The following NRG3 variants were observed in gnomAD, a reference collection of about 807,000 sequenced individuals.
NRG3 encodes the protein neuregulin 3.
A neutral mutation model predicts 66.9 loss-of-function variants in NRG3; 31 were observed. The ratio of observed to expected loss-of-function variants is 0.46; its 90% confidence interval spans 0.35 to 0.63. The LOEUF (loss-of-function observed/expected upper bound fraction) is 0.63. Ranked by LOEUF, NRG3 falls within the 20% of genes least tolerant of loss-of-function variation. The pLI is 0.00. For synonymous variants in NRG3, 393 were observed against 359.4 expected (o/e 1.09, Z -1.06); for missense variants, 910 against 878.9 (o/e 1.04, Z -0.45).
At chr10:82,335,245 A>G (rs546117335) in intron 1 of NRG3, among the ~76,000 whole-genome samples, 2 of 152,336 alleles carry the variant, frequency 1.3e-5, no homozygotes, top group Non-Finnish European at 2.9e-5. Flanking sequence ...TATCTGTGAC[A>G]AGGGAGCCTA....
rs182769263 is a variant in NRG3 at position 82,944,906 on chromosome 10, G to C, written c.1055-6563G>C. Among the ~76,000 whole-genome samples, 4 of 152,302 alleles carry C rather than the reference G, an allele frequency of 2.6e-5. No homozygotes were observed. In the East Asian group the frequency reaches 7.7e-4, roughly 29 times the overall value. ...AAGAAATAAAGGAAAATAGGTCCTA[G>C]AATGTGGGCTCTCTACATGTAGGTT... On this transcript the variant is annotated intron_variant, in intron 4 of 8. Coordinates refer to ENST00000372141, the MANE Select transcript of NRG3 (RefSeq NM_001010848.4).
intron 3 of NRG3, among the ~76,000 whole-genome samples, chr10:82,840,816 TAG>T (rs2063020201): frequency 6.6e-6 from 1 of 152,142 alleles, no homozygotes; most frequent in African/African-American, 2.4e-5. Flanking sequence ...AGCCTGGAAT[TAG>T]AGTTTATCAC....
chr10:82,074,143 G>A (rs2064963200), intron 1 of NRG3, among the ~76,000 whole-genome samples: 1 of 151,980 alleles, frequency 6.6e-6, no homozygotes, highest in Admixed American at 6.6e-5. Context: ...GGTGCTCAGA[G>A]ATGGCCAATG....
At chr10:82,179,635 TA>T (rs2073279572) in intron 1 of NRG3, among the ~76,000 whole-genome samples, 1 of 152,028 alleles carries the variant, frequency 6.6e-6, no homozygotes, top group Non-Finnish European at 1.5e-5. Context: ...CATATTTTTT[TA>T]TTACTGTAGC....
At chr10:82,170,265 G>A (rs906286656) in intron 1 of NRG3, among the ~76,000 whole-genome samples, 4 of 151,958 alleles carry the variant, frequency 2.6e-5, no homozygotes, top group Non-Finnish European at 5.9e-5. Context: ...GCATGGGTGA[G>A]AAAAGGTCTA....
chr10:82,241,526 C>G (rs1400762059), intron 1 of NRG3, among the ~76,000 whole-genome samples: 1 of 151,990 alleles, frequency 6.6e-6, no homozygotes, highest in African/African-American at 2.4e-5. Flanking sequence ...AGGAAGACAC[C>G]TTGTTTGTTT....
At chr10:82,243,777 T>C (rs987840300) in intron 1 of NRG3, among the ~76,000 whole-genome samples, 5 of 152,210 alleles carry the variant, frequency 3.3e-5, no homozygotes, top group Admixed American at 1.3e-4. Flanking sequence ...TGGAGGAAAC[T>C]GCTAACTGAG....
At chr10:82,367,872 G>A (rs11193984) in intron 2 of NRG3, among the ~76,000 whole-genome samples, 19,988 of 152,054 alleles carry the variant, frequency 0.13, 2,443 homozygotes, top group African/African-American at 0.31. Context: ...ATGCATGCCT[G>A]TAATCTCAGC....
intron 5 of NRG3, among the ~76,000 whole-genome samples, chr10:82,952,985 A>C (rs1475644662): frequency 6.6e-6 from 1 of 152,010 alleles, no homozygotes; most frequent in Non-Finnish European, 1.5e-5. Flanking sequence ...TTACATTAGC[A>C]TGGTACATTT....
rs527488509 is a variant in NRG3, at chr10:81,943,701, T to C, written c.823+67538T>C. The stretch of plus-strand genomic sequence containing the variant: ...CTGCCCCAAGAAAGGAAGAAAAACA[T>C]TTCAGGCCATTGTTGTTTGCTGCTG... On this transcript the variant is annotated intron_variant, in intron 1 of 8. Transcript: ENST00000372141. Among the ~76,000 whole-genome samples, 8 of 152,274 alleles carry C rather than the reference T, an allele frequency of 5.3e-5. No homozygotes were observed. The South Asian group carries it at 1.0e-3, about 20-fold the overall frequency.
chr10:82,255,719 C>T (rs1312842950), intron 1 of NRG3, among the ~76,000 whole-genome samples: 2 of 152,070 alleles, frequency 1.3e-5, no homozygotes, highest in African/African-American at 4.8e-5. Flanking sequence ...TCTCCTGCCT[C>T]AGCCTCCCAA....
chr10:82,168,116 T>C (rs2072246816), intron 1 of NRG3, among the ~76,000 whole-genome samples: 1 of 152,204 alleles, frequency 6.6e-6, no homozygotes, highest in Non-Finnish European at 1.5e-5. Context: ...AATTTAACTC[T>C]GAATATGACT....
intron 1 of NRG3, among the ~76,000 whole-genome samples, chr10:81,963,910 G>A (rs2059625505): frequency 6.6e-6 from 1 of 152,176 alleles, no homozygotes; most frequent in Admixed American, 6.5e-5. Flanking sequence ...CAACCAGGAA[G>A]TATTAATCAC....
chr10:82,786,392 T>C (rs751297303), intron 3 of NRG3, among the ~76,000 whole-genome samples: 5 of 152,196 alleles, frequency 3.3e-5, no homozygotes, highest in Non-Finnish European at 7.3e-5. Flanking sequence ...TGGTTTTTGT[T>C]GTTGGGTTTA....
chr10:82,074,894 C>T (rs926249730), intron 1 of NRG3, among the ~76,000 whole-genome samples: 2 of 152,150 alleles, frequency 1.3e-5, no homozygotes, highest in Admixed American at 6.5e-5. Flanking sequence ...CCACATTGTC[C>T]TCCAATATGA....
chr10:81,908,013 CTTTAA>C (rs1844756879), intron 1 of NRG3, among the ~76,000 whole-genome samples: 1 of 152,138 alleles, frequency 6.6e-6, no homozygotes. Flanking sequence ...CAAAGGCCCT[CTTTAA>C]TTTGTTGATG....
At chr10:82,160,493 C>CA (rs545535738) in intron 1 of NRG3, among the ~76,000 whole-genome samples, 1 of 150,680 alleles carries the variant, frequency 6.6e-6, no homozygotes, top group Non-Finnish European at 1.5e-5. Flanking sequence ...TAAGGAATTT[C>CA]TTTTTTTTTG....
At chr10:82,700,729 T>G (rs1388313406) in intron 2 of NRG3, among the ~76,000 whole-genome samples, 1 of 152,124 alleles carries the variant, frequency 6.6e-6, no homozygotes, top group Non-Finnish European at 1.5e-5. Context: ...CAAAGTGATC[T>G]TCTGTGTTCT....
chr10:82,412,062 T>A, intron 2 of NRG3, among the ~76,000 whole-genome samples: 1 of 152,094 alleles, frequency 6.6e-6, no homozygotes, highest in East Asian at 1.9e-4. Flanking sequence ...ATTAGCATGA[T>A]TTTACGTTTC....
Sources: gnomAD v4.1 joint callset for allele counts (sites outside exome capture counted in the v4.1 genomes callset) on GRCh38, gnomAD v4.1.1 for gene constraint, MANE v1.5 for transcripts, NCBI Gene and HGNC (gene_info 2026-07-23, HGNC 2026-07-21) for gene names.